The following RANBP17 variants were observed in gnomAD, a reference collection of about 807,000 sequenced individuals.
The protein encoded by RANBP17 is RAN binding protein 17, also known as ran-binding protein 17.
Under a neutral mutation model 141.2 loss-of-function variants are expected in RANBP17, and 158 were observed. That is an observed-to-expected ratio of 1.12 (90% CI 0.98 to 1.28). The LOEUF (loss-of-function observed/expected upper bound fraction) is 1.28, where lower values mean the gene tolerates loss of function less well. Ranked by LOEUF, RANBP17 falls within the 50% of genes most tolerant of loss-of-function variation. RANBP17 has a pLI of 0.00. For synonymous variants in RANBP17, 430 were observed against 450.0 expected (o/e 0.96, Z 0.56); for missense variants, 1,438 against 1,290.7 (o/e 1.11, Z -1.75).
At chr5:171,176,505 C>A (rs921615724) in intron 16 of RANBP17, among the ~76,000 whole-genome samples, 38 of 152,250 alleles carry the variant, frequency 2.5e-4, no homozygotes, top group African/African-American at 9.1e-4. Flanking sequence ...AAAACACAGA[C>A]CCTGCCCTCG....
At chr5:171,082,518 C>T (rs746859130) in intron 14 of RANBP17, among the ~76,000 whole-genome samples, 5 of 152,184 alleles carry the variant, frequency 3.3e-5, no homozygotes, top group Non-Finnish European at 7.4e-5. Context: ...GTCTCATCTA[C>T]CCTTTGCTCA....
chr5:171,285,075 T>C (rs538570616), intron 25 of RANBP17, among the ~76,000 whole-genome samples: 2 of 152,262 alleles, frequency 1.3e-5, no homozygotes, highest in South Asian at 4.1e-4. Context: ...CTCCTGTGCA[T>C]GGGCTGTTCG....
intron 19 of RANBP17, among the ~76,000 whole-genome samples, chr5:171,204,849 G>A (rs540118586): frequency 6.6e-6 from 1 of 152,286 alleles, no homozygotes; most frequent in African/African-American, 2.4e-5. Context: ...CAGTGCCTCT[G>A]TGAGAAATGC....
intron 14 of RANBP17, among the ~76,000 whole-genome samples, chr5:171,152,775 T>G (rs1758585396): frequency 6.6e-6 from 1 of 152,224 alleles, no homozygotes. Context: ...CACTCATTTA[T>G]TGTTTATTAT....
intron 1 of RANBP17, among the ~76,000 whole-genome samples, chr5:170,864,766 C>T (rs2085959537): frequency 6.6e-6 from 1 of 152,172 alleles, no homozygotes; most frequent in South Asian, 2.1e-4. Flanking sequence ...GCTTCTTAAT[C>T]TCCAGTCAAG....
At chr5:170,980,762 A>T (rs1323644870) in intron 14 of RANBP17, among the ~76,000 whole-genome samples, 1 of 152,198 alleles carries the variant, frequency 6.6e-6, no homozygotes, top group Non-Finnish European at 1.5e-5. Flanking sequence ...CTGCTAAGGC[A>T]GTGCGGAAGG....
intron 22 of RANBP17, among the ~76,000 whole-genome samples, chr5:171,224,194 C>T (rs1331189445): frequency 6.6e-6 from 1 of 152,190 alleles, no homozygotes; most frequent in Non-Finnish European, 1.5e-5. Flanking sequence ...GCCCTGCTTC[C>T]TCTGCCTGTA....
At chr5:171,141,183 T>C (rs12153642) in intron 14 of RANBP17, among the ~76,000 whole-genome samples, 16,153 of 152,184 alleles carry the variant, frequency 0.11, 1,135 homozygotes, top group East Asian at 0.17. Flanking sequence ...CACTATAACA[T>C]GATTTCCTAA....
chr5:170,938,791 T>C (rs142202310), intron 12 of RANBP17, among the ~76,000 whole-genome samples: 1,926 of 152,050 alleles, frequency 0.013, 26 homozygotes, highest in Non-Finnish European at 0.019. Context: ...AATGAAAATA[T>C]TAAAAGAGAC....
intron 25 of RANBP17, among the ~76,000 whole-genome samples, chr5:171,281,959 G>A (rs565327306): frequency 6.6e-6 from 1 of 152,050 alleles, no homozygotes; most frequent in Non-Finnish European, 1.5e-5. Context: ...TTGGCCCCTT[G>A]CATTGCAGAG....
chr5:171,260,965 G>T (rs1360379306), intron 24 of RANBP17, among the ~76,000 whole-genome samples: 4 of 151,862 alleles, frequency 2.6e-5, no homozygotes, highest in African/African-American at 9.7e-5. Context: ...AAGAGGATAT[G>T]TTGTTATTTT....
intron 16 of RANBP17, among the ~76,000 whole-genome samples, chr5:171,174,751 AGTGTGTGTGTGTGTGTGTGTGTGT>A (rs57948503): frequency 7.4e-6 from 1 of 135,622 alleles, no homozygotes; most frequent in South Asian, 2.6e-4. Context: ...AAATATCTAG[AGTGTGTGTGTGTGTGTGTGTGTGT>A]GTGTGTGTGT....
chr5:171,071,597 A>T (rs1004927624), intron 14 of RANBP17, among the ~76,000 whole-genome samples: 3 of 149,266 alleles, frequency 2.0e-5, no homozygotes, highest in Non-Finnish European at 4.5e-5. Flanking sequence ...AAGAAATTCC[A>T]CAGGAAAAGG....
chr5:171,198,333 C>T (rs1292115225), intron 18 of RANBP17, among the ~76,000 whole-genome samples: 13 of 152,132 alleles, frequency 8.5e-5, no homozygotes, highest in African/African-American at 3.1e-4. Flanking sequence ...GATTTGTTGG[C>T]CCTTTGGCAT....
At chr5:171,047,707 C>T (rs1782687515) in intron 14 of RANBP17, among the ~76,000 whole-genome samples, 2 of 151,934 alleles carry the variant, frequency 1.3e-5, no homozygotes, top group Non-Finnish European at 2.9e-5. Context: ...CAAGTCTTAC[C>T]CATTTTTTAA....
chr5:170,967,122 C>T (rs892875778), intron 13 of RANBP17, among the ~76,000 whole-genome samples: 1 of 152,064 alleles, frequency 6.6e-6, no homozygotes, highest in African/African-American at 2.4e-5. Flanking sequence ...TGAGGAACCT[C>T]CTTATGTCTG....
intron 14 of RANBP17, among the ~76,000 whole-genome samples, chr5:171,094,664 C>A (rs1377035786): frequency 6.6e-6 from 1 of 152,128 alleles, no homozygotes; most frequent in Non-Finnish European, 1.5e-5. Context: ...TACTTCTGAT[C>A]TTTCAGAAGT....
At chr5:170,865,598 G>A (rs1767185466) in intron 1 of RANBP17, among the ~76,000 whole-genome samples, 1 of 152,158 alleles carries the variant, frequency 6.6e-6, no homozygotes, top group Non-Finnish European at 1.5e-5. Flanking sequence ...TACTGTCTGT[G>A]AATATCAGGG....
chr5:171,038,937 T>C (rs893862818), intron 14 of RANBP17, among the ~76,000 whole-genome samples: 1 of 152,032 alleles, frequency 6.6e-6, no homozygotes, highest in African/African-American at 2.4e-5. Context: ...TCATTGTGTC[T>C]TTGCCAGGAT....
Sources: allele counts gnomAD v4.1 joint callset (sites outside exome capture counted in the v4.1 genomes callset), GRCh38; gene constraint gnomAD v4.1.1; transcripts MANE v1.5; gene names NCBI Gene and HGNC (gene_info 2026-07-23, HGNC 2026-07-21).